Variants in KLRK1 observed in about 807,000 individuals in gnomAD.
The protein encoded by KLRK1 is killer cell lectin like receptor K1.
In KLRK1, 40 loss-of-function variants were observed where a neutral mutation model predicts 31.3. The ratio of observed to expected loss-of-function variants is 1.28; its 90% CI spans 0.99 to 1.67. The LOEUF (loss-of-function observed/expected upper bound fraction) is 1.67, where lower values mean the gene tolerates loss of function less well. Among genes scored for constraint, KLRK1 ranks in the 40% most tolerant of loss-of-function variants. The pLI, the probability that KLRK1 is intolerant of heterozygous loss-of-function variation, is 0.00. For missense variants in KLRK1, 251 were observed against 260.0 expected, an observed-to-expected ratio of 0.97 and a Z score of 0.24; for synonymous variants, 77 against 77.3, an observed-to-expected ratio of 1.00 and a Z score of 0.02.
chr12:10,385,572 TAGAG>T (rs1288833176), intron 3 of KLRK1, among the ~76,000 whole-genome samples: 1 of 151,746 alleles, frequency 6.6e-6, no homozygotes, highest in Non-Finnish European at 1.5e-5. Flanking sequence ...CTCACAGAAG[TAGAG>T]AGTAGAATTG....
In KLRK1 at chr12:10,379,769, A is replaced by G; in HGVS notation, c.172T>C (p.Phe58Leu). 1 of 1,612,058 alleles carries G rather than the reference A, an allele frequency of 6.2e-7. No homozygotes were observed. Among genetic ancestry groups the G allele is most frequent in the Non-Finnish European group, 8.5e-7 (1 of 1,179,010 alleles). ...ENASPFFFCC[F>L]IAVAMGIRFI... is the part of the protein sequence containing the mutation. The stretch of plus-strand genomic sequence containing the variant: ...CGGATTCCCATGGCTACAGCGATGA[A>G]GCAGCAGAAAAAAAATGGAGATGCT... The change falls in exon 4 of 8, where the codon TTC (phenylalanine) becomes CTC (leucine). Residue 58 changes from phenylalanine (F) to leucine (L), a missense_variant. By Grantham distance (22) the Phe-to-Leu change is conservative. Transcript: ENST00000240618.
At chr12:10,387,263 C>T (rs373872367) in intron 2 of KLRK1, among the ~76,000 whole-genome samples, 102 of 152,154 alleles carry the variant, frequency 6.7e-4, no homozygotes, top group East Asian at 5.4e-3. Context: ...TTAGTTAATT[C>T]GTAATGTATA....
chr12:10,378,833 A>C, intron 5 of KLRK1, 128 bp from the exon 6 acceptor site: 1 of 1,135,272 alleles, frequency 8.8e-7, no homozygotes, highest in Non-Finnish European at 1.2e-6. Context: ...TACAGTCATA[A>C]CCAAAGGCAT....
intron 3 of KLRK1, among the ~76,000 whole-genome samples, chr12:10,380,524 G>T (rs546911638): frequency 6.6e-6 from 1 of 152,252 alleles, no homozygotes; most frequent in East Asian, 1.9e-4. Flanking sequence ...GAGAAGGCTG[G>T]AATTCAGCAA....
chr12:10,386,982 C>T lies in KLRK1; in HGVS notation c.69G>A (p.Leu23=). 1 of 1,610,588 alleles carries T rather than the reference C, an allele frequency of 6.2e-7. No individual in the cohort carries two copies. The change falls in exon 3 of 8, where the codon TTG becomes TTA. Residue 23 remains leucine (L), a synonymous_variant. Coordinates refer to ENST00000240618, the MANE Select transcript of KLRK1 (RefSeq NM_007360.4). The stretch of plus-strand genomic sequence containing the variant: ...TTGAAAAATCACTCTTCTTCAGATC[C>T]AAGTTATAATTATGAAATTCACTCA... ...WEMSEFHNYN[L]DLKKSDFSTR...
intron 7 of KLRK1, among the ~76,000 whole-genome samples, chr12:10,376,387 G>A (rs1025502901): frequency 6.6e-6 from 1 of 152,066 alleles, no homozygotes; most frequent in African/African-American, 2.4e-5. Flanking sequence ...TAATAAAAAT[G>A]TCTGAAAAAT....
At chr12:10,374,932 T>A (rs989249348) in intron 7 of KLRK1, among the ~76,000 whole-genome samples, 1 of 152,244 alleles carries the variant, frequency 6.6e-6, no homozygotes. Context: ...AACAGAAAGT[T>A]AGTATGCTAG....
At chr12:10,384,299 C>T (rs2617157) in intron 3 of KLRK1, among the ~76,000 whole-genome samples, 112,864 of 151,534 alleles carry the variant, frequency 0.74, 42,901 homozygotes, top group South Asian at 0.88. Context: ...CCAAAGCAAT[C>T]TTGAACAAAA....
At chr12:10,380,214 C>T (rs1203774089) in intron 3 of KLRK1, among the ~76,000 whole-genome samples, 9 of 151,626 alleles carry the variant, frequency 5.9e-5, no homozygotes, top group Admixed American at 1.3e-4. Context: ...TACAGGTGCC[C>T]GCCACCACTC....
chr12:10,380,772 A>G (rs763517254), intron 3 of KLRK1, among the ~76,000 whole-genome samples: 4 of 152,186 alleles, frequency 2.6e-5, no homozygotes, highest in Non-Finnish European at 5.9e-5. Flanking sequence ...ACTGACATCC[A>G]CATAACTGCA....
Position 10,378,605 on chromosome 12 carries a change from A to ATTC in KLRK1, c.377_378insGAA (p.Ser126_Cys127insAsn). 6.2e-7 allele frequency: 1 copy of ATTC among 1,612,484 alleles called. No homozygotes were observed. The highest frequency in any genetic ancestry group is 2.2e-5 in the East Asian group (1 of 44,872). On this transcript the variant is annotated inframe_insertion, in exon 6 of 8. Coordinates refer to ENST00000240618, the MANE Select transcript of KLRK1 (RefSeq NM_007360.4). ...GAAGGCTGGCATTTTGAGACATACA[A>ATTC]GAAGCCTGGCTCTCATACCAGTTTT...
Position 10,372,717 on chromosome 12 carries a change from G to T in KLRK1, c.*397C>A. 4.3e-6 allele frequency: 1 copy of T among 232,304 alleles called. No homozygotes were observed. Among genetic ancestry groups the T allele is most frequent in the Non-Finnish European group, 8.3e-6 (1 of 119,836 alleles). 14.4% of individuals were successfully genotyped at this position (232,304 alleles called of 1,614,324 possible). A position where few individuals can be genotyped will look rare whatever the true frequency, so the allele number is the denominator to read the frequency against. On this transcript the variant is annotated 3_prime_UTR_variant, in exon 8 of 8. Coordinates refer to ENST00000240618, the MANE Select transcript of KLRK1 (RefSeq NM_007360.4). ...TGCCCATGCTGTGTCTCTCTGCTGT[G>T]GCCCTGCCCATGAGGCAATTTCCTG...
In KLRK1 at chr12:10,373,035, C is replaced by A; in HGVS notation, c.*79G>T. ...ATTTTGTCCTGTTTTTGTTTGTTTCCTTTAGTCTCAGTTGGCAGTGTTACC... is the reference window on the plus strand; with the variant it reads ...ATTTTGTCCTGTTTTTGTTTGTTTCATTTAGTCTCAGTTGGCAGTGTTACC... On this transcript the variant is annotated 3_prime_UTR_variant, in exon 8 of 8. Coordinates refer to ENST00000240618, the MANE Select transcript of KLRK1 (RefSeq NM_007360.4). The A allele has an allele frequency of 7.7e-7, 1 of 1,293,792 alleles. No homozygotes were observed. Among genetic ancestry groups the A allele is most frequent in the Non-Finnish European group, 1.1e-6 (1 of 912,616 alleles). The allele number at this position is 1,293,792 out of a possible 1,614,324, so 80.1% of individuals were successfully genotyped here.
Position 10,379,233 on chromosome 12 carries a change from AAGAG to A in KLRK1, c.277+210_277+213del, listed in dbSNP as rs1305253811. ...CCATCTCAAAAAAAAAAAAAAAAAA[AAGAG>A]AGAGAGAGAGAGAAAGATGATGTCA... On this transcript the variant is annotated intron_variant, in intron 5 of 7. Coordinates refer to ENST00000240618, the MANE Select transcript of KLRK1 (RefSeq NM_007360.4). The A allele has an allele frequency of 5.1e-4, 68 of 134,020 alleles. 2 individuals are homozygous for A. The highest frequency in any genetic ancestry group is 4.1e-3 in the Middle Eastern group (1 of 242). 8.3% of individuals were successfully genotyped at this position (134,020 alleles called of 1,614,324 possible). A position where few individuals can be genotyped will look rare whatever the true frequency, so the allele number is the denominator to read the frequency against.
intron 2 of KLRK1, among the ~76,000 whole-genome samples, chr12:10,388,148 T>C (rs1408594020): frequency 2.0e-5 from 3 of 152,172 alleles, no homozygotes; most frequent in Non-Finnish European, 4.4e-5. Flanking sequence ...TAGGTAAAAT[T>C]AGACATTGAT....
intron 7 of KLRK1, among the ~76,000 whole-genome samples, chr12:10,375,527 A>G (rs1241361419): frequency 2.0e-5 from 3 of 152,210 alleles, no homozygotes; most frequent in Admixed American, 6.5e-5. Context: ...CCTAATTTTA[A>G]CATTGATATT....
chr12:10,385,878 G>A (rs912027968), intron 3 of KLRK1, among the ~76,000 whole-genome samples: 3 of 151,770 alleles, frequency 2.0e-5, no homozygotes, highest in Admixed American at 6.6e-5. Flanking sequence ...CCATAAATAT[G>A]TATAATTATT....
chr12:10,384,005 T>C (rs1863122712), intron 3 of KLRK1, among the ~76,000 whole-genome samples: 1 of 152,038 alleles, frequency 6.6e-6, no homozygotes, highest in African/African-American at 2.4e-5. Context: ...TCAATTCCAT[T>C]TGTAATACCT....
intron 3 of KLRK1, 179 bp from the exon 4 acceptor site, chr12:10,379,971 CAACAATGT>C: frequency 2.5e-6 from 1 of 398,350 alleles, no homozygotes; most frequent in African/African-American, 2.1e-5. Context: ...AACTAGAGTA[CAACAATGT>C]AATATTTCCT....
Sources: allele counts gnomAD v4.1 joint callset (sites outside exome capture counted in the v4.1 genomes callset), GRCh38; gene constraint gnomAD v4.1.1; transcripts MANE v1.5; gene names NCBI Gene and HGNC (gene_info 2026-07-23, HGNC 2026-07-21).